ZSCAN2: variants seen among roughly 807,000 people sequenced by gnomAD.
ZSCAN2 encodes zinc finger and SCAN domain-containing protein 2.
In ZSCAN2, 26 loss-of-function variants were observed where a neutral mutation model predicts 47.8. The ratio of observed to expected loss-of-function variants is 0.54; its 90% CI spans 0.40 to 0.75. ZSCAN2 has a LOEUF of 0.75. ZSCAN2 is among the 30% of genes least tolerant of loss of function. The pLI is 0.00. For missense variants in ZSCAN2, 732 were observed against 785.4 expected (o/e 0.93, Z 0.81); for synonymous variants, 305 against 288.7 (o/e 1.06, Z -0.57).
At position 84,604,084 on chromosome 15, in the gene ZSCAN2, T is replaced by A. The variant is rs577882298; in HGVS notation, c.157T>A (p.Ser53Thr). The change falls in exon 2 of 3, where the codon TCT becomes ACT. Residue 53 changes from serine (S) to threonine (T), a missense_variant. Transcript: ENST00000546148. ...TGTGCTGCAGGAGGATGGCCCTGAG[T>A]CTGAGCCCTTTCCCCAGAGTGCTGG... ...EAVLQEDGPE[S>T]EPFPQSAGKG... 21 of 1,613,990 alleles carry A rather than the reference T, an allele frequency of 1.3e-5. No individual in the cohort carries two copies. The African/African-American group carries it at 1.6e-4, about 12-fold the overall frequency.
At chr15:84,610,876 T>C (rs142993703) in intron 2 of ZSCAN2, among the ~76,000 whole-genome samples, 12 of 152,354 alleles carry the variant, frequency 7.9e-5, no homozygotes, top group Non-Finnish European at 1.6e-4. Flanking sequence ...AAGTCTAATG[T>C]AGCAGATCAT....
In ZSCAN2 at chr15:84,622,147, T is replaced by G; in HGVS notation, c.*107T>G. The G allele has an allele frequency of 1.9e-6, 2 of 1,079,874 alleles. No individual in the cohort carries two copies. The highest frequency in any genetic ancestry group is 2.7e-6 in the Non-Finnish European group (2 of 739,848). The allele number at this position is 1,079,874 out of a possible 1,614,324, so 66.9% of individuals were successfully genotyped here. ...TGTGCTTCCTAAACATTCTGGGGGG[T>G]TTTGCCAGAGTCTTCCCCTTGCTCA... On this transcript the variant is annotated 3_prime_UTR_variant, in exon 3 of 3. Coordinates refer to ENST00000546148, the MANE Select transcript of ZSCAN2 (RefSeq NM_181877.4).
intron 2 of ZSCAN2, among the ~76,000 whole-genome samples, chr15:84,612,667 G>A (rs371123407): frequency 6.6e-5 from 10 of 152,170 alleles, no homozygotes; most frequent in East Asian, 1.9e-4. Context: ...CCCGGTAGGC[G>A]GAGCTTGCAG....
chr15:84,621,509 A>C lies in ZSCAN2; in HGVS notation c.1314A>C (p.Arg438Ser), dbSNP rs545045113. The stretch of plus-strand genomic sequence containing the variant: ...GCTCTAACCTGGCCACACACCGGAG[A>C]ACCCACATGGTGGAGAAGCCCTATA... The part of the protein sequence containing the change: ...SRSSNLATHR[R>S]THMVEKPYKC... The change falls in exon 3 of 3, where the codon AGA becomes AGC. Residue 438 changes from arginine to serine, a missense_variant. Arg to Ser is a moderately radical substitution (Grantham distance 110). Coordinates refer to ENST00000546148, the MANE Select transcript of ZSCAN2 (RefSeq NM_181877.4). The surrounding 1 kb of genome is among the most constrained non-coding windows in gnomAD (Gnocchi z 5.7). 5 of 1,612,144 alleles carry C rather than the reference A, an allele frequency of 3.1e-6. No individual in the cohort carries two copies. The highest frequency in any genetic ancestry group is 4.2e-6 in the Non-Finnish European group (5 of 1,179,646).
In ZSCAN2 at chr15:84,621,542, G is replaced by A. The variant is rs369529501; in HGVS notation, c.1347G>A (p.Gly449=). Residue 449 remains glycine, a synonymous_variant, in exon 3 of 3, where the codon GGG becomes GGA. Transcript: ENST00000546148. The surrounding 1 kb of genome is among the most constrained non-coding windows in gnomAD (Gnocchi z 5.7). ...TGGTGGAGAAGCCCTATAAGTGTGG[G>A]GTGTGTGGGAAGAGCTTCAGCCAGA... ...THMVEKPYKC[G]VCGKSFSQSS... 2 of 1,613,326 alleles carry A rather than the reference G, an allele frequency of 1.2e-6. No individual in the cohort carries two copies. Among genetic ancestry groups the A allele is most frequent in the Admixed American group, 1.7e-5 (1 of 59,928 alleles).
rs368304150 is a variant in ZSCAN2, at chr15:84,621,281, C to T, written c.1086C>T (p.Tyr362=). Residue 362 remains tyrosine, a synonymous_variant, in exon 3 of 3, where the codon TAC becomes TAT. Coordinates refer to ENST00000546148, the MANE Select transcript of ZSCAN2 (RefSeq NM_181877.4). This position sits in a 1 kb window ranked among gnomAD's most constrained non-coding sequence, Gnocchi z 5.7. ...HQGIHTGEKP[Y]ECKECGESFS... The stretch of plus-strand genomic sequence containing the variant: ...GGATCCACACTGGAGAAAAGCCCTA[C>T]GAATGTAAAGAATGCGGCGAAAGCT... 69 of 1,613,932 alleles carry T rather than the reference C, an allele frequency of 4.3e-5. No homozygotes were observed. The highest frequency in any genetic ancestry group is 9.9e-5 in the South Asian group (9 of 91,080).
intron 1 of ZSCAN2, among the ~76,000 whole-genome samples, chr15:84,603,105 A>G (rs1596024577): frequency 6.6e-6 from 1 of 152,202 alleles, no homozygotes; most frequent in East Asian, 1.9e-4. Context: ...AGAAGCTCAG[A>G]GTGCTTTGAC....
chr15:84,612,157 C>T (rs1000529069), intron 2 of ZSCAN2: 3 of 152,334 alleles, frequency 2.0e-5, no homozygotes, highest in African/African-American at 7.2e-5. Flanking sequence ...TTATTCTTCC[C>T]AGCTCAGTGA....
rs1895805252 is a variant in ZSCAN2, at chr15:84,621,064, G to A, written c.869G>A (p.Ser290Asn). The A allele has an allele frequency of 1.2e-6, 2 of 1,613,750 alleles. No individual in the cohort carries two copies. Among genetic ancestry groups the A allele is most frequent in the Non-Finnish European group, 8.5e-7 (1 of 1,179,934 alleles). Residue 290 changes from serine (S) to asparagine (N), a missense_variant, in exon 3 of 3, where the codon AGT becomes AAT. Physicochemically the swap from Ser to Asn is conservative, Grantham distance 46. This residue lies in a region of ZSCAN2 where 412 missense variants were observed against 498.0 expected (regional missense o/e 0.83). Transcript: ENST00000546148. This position sits in a 1 kb window ranked among gnomAD's most constrained non-coding sequence, Gnocchi z 5.7. Reference protein sequence around the residue: ...CRDCGKSFSRSANLITHQRIH... With the variant: ...CRDCGKSFSRNANLITHQRIH... ...GACTGTGGGAAGAGCTTTAGCCGGA[G>A]TGCCAACCTCATAACCCACCAGAGG...
chr15:84,620,633 C>G lies in ZSCAN2; in HGVS notation c.438C>G (p.Asn146Lys). The change falls in exon 3 of 3, where the codon AAC becomes AAG. Residue 146 changes from asparagine (N) to lysine (K), a missense_variant. This residue lies in a region of ZSCAN2 where 320 missense variants were observed against 287.4 expected (regional missense o/e 1.11). Coordinates refer to ENST00000546148, the MANE Select transcript of ZSCAN2 (RefSeq NM_181877.4). ...AGATACAGAGTGAAAATGGGGAGAA[C>G]TGTAATCAAGACATGTTTGAGAATG... ...DFEIQSENGE[N>K]CNQDMFENES... The G allele has an allele frequency of 6.2e-7, 1 of 1,610,058 alleles. No individual in the cohort carries two copies. The highest frequency in any genetic ancestry group is 8.5e-7 in the Non-Finnish European group (1 of 1,176,526).
At chr15:84,601,184 C>T (rs1166868193) in intron 1 of ZSCAN2, 49 bp downstream of exon 1, 2 of 152,348 alleles carry the variant, frequency 1.3e-5, no homozygotes, top group Non-Finnish European at 2.9e-5. Flanking sequence ...GGGCAGTAGC[C>T]CGAGGTGAGG....
At chr15:84,605,235 C>T (rs955517809) in intron 2 of ZSCAN2, among the ~76,000 whole-genome samples, 1 of 152,208 alleles carries the variant, frequency 6.6e-6, no homozygotes, top group African/African-American at 2.4e-5. Context: ...CGCTGTCTCC[C>T]TCCTGGTTTT....
Position 84,622,143 on chromosome 15 carries a change from G to A in ZSCAN2, c.*103G>A. On this transcript the variant is annotated 3_prime_UTR_variant, in exon 3 of 3. Transcript: ENST00000546148. ...GAGCTGTGCTTCCTAAACATTCTGG[G>A]GGGTTTTGCCAGAGTCTTCCCCTTG... 8.9e-7 allele frequency: 1 copy of A among 1,121,646 alleles called. No homozygotes were observed. The highest frequency in any genetic ancestry group is 1.3e-6 in the Non-Finnish European group (1 of 777,276). The allele number at this position is 1,121,646 out of a possible 1,614,324, so 69.5% of individuals were successfully genotyped here.
At chr15:84,609,302 G>GATATATGATATATCTCATATGAT (rs1277794026) in intron 2 of ZSCAN2, among the ~76,000 whole-genome samples, 2 of 148,822 alleles carry the variant, frequency 1.3e-5, no homozygotes, top group South Asian at 2.1e-4. Context: ...TGATATATGA[G>GATATATGATATATCTCATATGAT]ATATATGATA....
chr15:84,606,580 C>T (rs1234603068), intron 2 of ZSCAN2: 3 of 1,614,026 alleles, frequency 1.9e-6, no homozygotes, highest in African/African-American at 1.3e-5. Context: ...TTGTAATGAA[C>T]TTCTGGATCT....
intron 2 of ZSCAN2, among the ~76,000 whole-genome samples, chr15:84,615,215 A>G (rs1290975956): frequency 6.6e-6 from 1 of 152,128 alleles, no homozygotes; most frequent in Non-Finnish European, 1.5e-5. Flanking sequence ...CAGCCCCCCA[A>G]AGTCCTGGGA....
At chr15:84,613,950 G>C (rs1895624638) in intron 2 of ZSCAN2, among the ~76,000 whole-genome samples, 1 of 129,430 alleles carries the variant, frequency 7.7e-6, no homozygotes, top group Non-Finnish European at 1.6e-5. Flanking sequence ...AAAGTGCTGA[G>C]ATTACAGGTG....
chr15:84,609,318 CAT>C (rs200134306), intron 2 of ZSCAN2, among the ~76,000 whole-genome samples: 1 of 149,170 alleles, frequency 6.7e-6, no homozygotes, highest in African/African-American at 2.5e-5. Context: ...TGATATATCT[CAT>C]ATGATATATA....
chr15:84,611,892 C>G (rs1455744595), intron 2 of ZSCAN2: 1 of 152,230 alleles, frequency 6.6e-6, no homozygotes, highest in African/African-American at 2.4e-5. Flanking sequence ...CCTGGAGTAG[C>G]CAAAGCCATT....
Sources: gnomAD v4.1 joint callset for allele counts (sites outside exome capture counted in the v4.1 genomes callset) on GRCh38, gnomAD v4.1.1 for gene constraint, gnomAD v4.1.1 regional missense constraint, Gnocchi (gnomAD v3.1) non-coding constraint, MANE v1.5 for transcripts, NCBI Gene and HGNC (gene_info 2026-07-23, HGNC 2026-07-21) for gene names.